C19orf44: variants seen among roughly 807,000 people sequenced by gnomAD.
C19orf44 encodes uncharacterized protein C19orf44.
A neutral mutation model predicts 50.7 loss-of-function variants in C19orf44; 43 were observed. The observed-to-expected ratio is 0.85, with a 90% CI of 0.66 to 1.09. C19orf44 has a LOEUF of 1.09. Among genes scored for constraint, C19orf44 ranks in the 50% least tolerant of loss-of-function variants. The pLI is 0.00. For synonymous variants in C19orf44, 298 were observed against 334.7 expected (o/e 0.89, Z 1.20); for missense variants, 722 against 836.2 (o/e 0.86, Z 1.68).
chr19:16,507,357 C>G (rs962407748), intron 4 of C19orf44, among the ~76,000 whole-genome samples: 1 of 152,124 alleles, frequency 6.6e-6, no homozygotes, highest in Non-Finnish European at 1.5e-5. Flanking sequence ...AGTCACACTC[C>G]CTGTTGTGAT....
chr19:16,521,311 ACTT>A lies in C19orf44; in HGVS notation c.*1264_*1266del, dbSNP rs941638273. On this transcript the variant is annotated 3_prime_UTR_variant, in exon 9 of 9. Transcript: ENST00000221671. Reference sequence around the variant, plus strand: ...GTGCCGCCGTGCCACACCTTCCCTAACTTCTTCTGATGTGTCTCCATTAAAACG... The same window carrying A: ...GTGCCGCCGTGCCACACCTTCCCTAACTTCTGATGTGTCTCCATTAAAACG... The A allele has an allele frequency of 9.9e-5, 57 of 577,666 alleles. No individual in the cohort carries two copies. Among genetic ancestry groups the A allele is most frequent in the African/African-American group, 8.6e-4 (46 of 53,492 alleles). 35.8% of individuals were successfully genotyped at this position (577,666 alleles called of 1,614,324 possible).
chr19:16,521,186 C>G lies in C19orf44; in HGVS notation c.*1133C>G. 1.7e-6 allele frequency: 1 copy of G among 583,266 alleles called. No homozygotes were observed. The highest frequency in any genetic ancestry group is 2.0e-5 in the South Asian group (1 of 49,412). The allele number at this position is 583,266 out of a possible 1,614,324, so 36.1% of individuals were successfully genotyped here. On this transcript the variant is annotated 3_prime_UTR_variant, in exon 9 of 9. Coordinates refer to ENST00000221671, the MANE Select transcript of C19orf44 (RefSeq NM_032207.4). ...TCTGTGGAACTGGGAAACAGGAACA[C>G]TGACTCATGGGTGGACAGGCCTGCA...
chr19:16,498,875 T>C (rs567052376), intron 1 of C19orf44, among the ~76,000 whole-genome samples: 1 of 151,692 alleles, frequency 6.6e-6, no homozygotes, highest in Non-Finnish European at 1.5e-5. Flanking sequence ...TTTCACTGTG[T>C]TAGCCAGGAT....
chr19:16,509,322 G>A (rs188483474), intron 4 of C19orf44, among the ~76,000 whole-genome samples, 177 bp from the exon 5 acceptor site: 1 of 152,226 alleles, frequency 6.6e-6, no homozygotes, highest in East Asian at 1.9e-4. Context: ...TGGACATGCC[G>A]TACTGAAGAC....
Position 16,520,043 on chromosome 19 carries a change from T to G in C19orf44, c.*41-51T>G, listed in dbSNP as rs1374646699. 4 of 1,198,124 alleles carry G rather than the reference T, an allele frequency of 3.3e-6. No individual in the cohort carries two copies. The African/African-American group carries it at 4.5e-5, about 14-fold the overall frequency. The allele number at this position is 1,198,124 out of a possible 1,614,324, so 74.2% of individuals were successfully genotyped here. ...GGTGCCACTGTCCCCGGGCTAATGC[T>G]GGCGGCCTCCTAACACAGTCTCCTA... On this transcript the variant is annotated intron_variant, in intron 8 of 8. Coordinates refer to ENST00000221671, the MANE Select transcript of C19orf44 (RefSeq NM_032207.4). The surrounding 1 kb of genome is among the most constrained non-coding windows in gnomAD (Gnocchi z 4.0).
At chr19:16,497,674 A>G (rs900030717) in intron 1 of C19orf44, among the ~76,000 whole-genome samples, 1 of 152,074 alleles carries the variant, frequency 6.6e-6, no homozygotes, top group African/African-American at 2.4e-5. Context: ...AGCGTGATGT[A>G]TTTGAGATTC....
Position 16,519,467 on chromosome 19 carries a change from C to A in C19orf44, c.*41-627C>A. The A allele has an allele frequency of 7.7e-7, 1 of 1,296,180 alleles. No homozygotes were observed. 80.3% of individuals were successfully genotyped at this position (1,296,180 alleles called of 1,614,324 possible). On this transcript the variant is annotated intron_variant, in intron 8 of 8. Coordinates refer to ENST00000221671, the MANE Select transcript of C19orf44 (RefSeq NM_032207.4). This position sits in a 1 kb window ranked among gnomAD's most constrained non-coding sequence, Gnocchi z 6.0. ...ACATGGGAAATGGGTAGAGAGAACCCGCAGGCCGGCCCTGTCTAGAGGGTC... is the reference window on the plus strand; with the variant it reads ...ACATGGGAAATGGGTAGAGAGAACCAGCAGGCCGGCCCTGTCTAGAGGGTC...
intron 1 of C19orf44, among the ~76,000 whole-genome samples, chr19:16,500,393 C>T (rs1157569563): frequency 2.0e-5 from 3 of 150,910 alleles, no homozygotes; most frequent in East Asian, 3.9e-4. Flanking sequence ...CACTCTGTAG[C>T]CCAGGCTAGA....
chr19:16,510,927 G>A (rs2093455420), intron 5 of C19orf44, among the ~76,000 whole-genome samples: 1 of 151,980 alleles, frequency 6.6e-6, no homozygotes. Context: ...GTAGAGACAG[G>A]GTCTTGCCAT....
rs149587345 is a variant in C19orf44, at chr19:16,515,842, G to A, written c.1902+1179G>A. Among the ~76,000 whole-genome samples, 557 of 152,020 alleles carry A rather than the reference G, an allele frequency of 3.7e-3. 4 individuals are homozygous for A. Among genetic ancestry groups the A allele is most frequent in the African/African-American group, 0.013 (523 of 41,460 alleles). On this transcript the variant is annotated intron_variant, in intron 7 of 8. Transcript: ENST00000221671. Reference sequence around the variant, plus strand: ...ACTGAGTTTCACTCTTGTTGCCCAGGCTGGGGTGCAATGGTGCAATCTCAG... The same window carrying A: ...ACTGAGTTTCACTCTTGTTGCCCAGACTGGGGTGCAATGGTGCAATCTCAG...
chr19:16,514,375 C>A (rs1417756103), intron 6 of C19orf44, 122 bp from the exon 7 acceptor site: 37 of 1,053,916 alleles, frequency 3.5e-5, no homozygotes, highest in Admixed American at 5.7e-5. Context: ...CAGAGCGAGA[C>A]CCTGTCTCCA....
intron 7 of C19orf44, 40 bp from the exon 8 acceptor site, chr19:16,517,190 G>C (rs767420460): frequency 4.4e-6 from 7 of 1,582,216 alleles, no homozygotes; most frequent in South Asian, 1.1e-5. Context: ...GTGTACTGAG[G>C]TGACGATGGT....
chr19:16,510,704 C>A (rs1015739083), intron 5 of C19orf44, among the ~76,000 whole-genome samples: 4 of 152,048 alleles, frequency 2.6e-5, no homozygotes, highest in Non-Finnish European at 5.9e-5. Flanking sequence ...GAATGAACAC[C>A]CTGGGTGACT....
intron 1 of C19orf44, among the ~76,000 whole-genome samples, chr19:16,498,206 C>A (rs192960847): frequency 5.5e-4 from 83 of 152,258 alleles, no homozygotes; most frequent in African/African-American, 1.9e-3. Flanking sequence ...CTATGTCTAA[C>A]CTTTTGAGGA....
Position 16,517,282 on chromosome 19 carries a change from A to T in C19orf44, c.1955A>T (p.Glu652Val), listed in dbSNP as rs1403803185. The T allele has an allele frequency of 3.1e-6, 5 of 1,614,012 alleles. No homozygotes were observed. The Admixed American group carries it at 5.0e-5, about 16-fold the overall frequency. Residue 652 changes from glutamate to valine, a missense_variant, in exon 8 of 9, where the codon GAG becomes GTG. By Grantham distance (121) the Glu-to-Val change is moderately radical. Transcript: ENST00000221671. ...CTGACCATGGAGGATGCCCTGGAGG[A>T]GGTGAACAAGGAGCTGTGAGCGCCA... ...APLTMEDALE[E>V]VNKEL
rs1313761926 is a variant in C19orf44, at chr19:16,520,167, G to A, written c.*114G>A. On this transcript the variant is annotated 3_prime_UTR_variant, in exon 9 of 9. Transcript: ENST00000221671. This position sits in a 1 kb window ranked among gnomAD's most constrained non-coding sequence, Gnocchi z 4.0. ...ATCTTACGGCGGGGTGGGGCTCCTG[G>A]ACCGTGACCGGCGTCTTCTTCCTGG... 6.2e-7 allele frequency: 1 copy of A among 1,612,744 alleles called. No individual in the cohort carries two copies. Among genetic ancestry groups the A allele is most frequent in the Non-Finnish European group, 8.5e-7 (1 of 1,179,980 alleles).
At chr19:16,510,089 G>A (rs1599735454) in intron 5 of C19orf44, 101 bp downstream of exon 5, 1 of 1,568,186 alleles carries the variant, frequency 6.4e-7, no homozygotes, top group Admixed American at 1.7e-5. Context: ...AGGTTCCTGA[G>A]ATTTGGGCTC....
intron 5 of C19orf44, among the ~76,000 whole-genome samples, chr19:16,511,161 T>G (rs1373141046): frequency 1.3e-5 from 2 of 151,440 alleles, no homozygotes; most frequent in Non-Finnish European, 2.9e-5. Context: ...CTCAGCCTCC[T>G]GAATAGCTGG....
intron 1 of C19orf44, 118 bp from the exon 2 acceptor site, chr19:16,500,674 A>T (rs2093422548): frequency 9.8e-7 from 1 of 1,018,188 alleles, no homozygotes; most frequent in Non-Finnish European, 1.4e-6. Context: ...TTGGGCTTGA[A>T]GGGAAGACTG....
Sources: allele counts gnomAD v4.1 joint callset (sites outside exome capture counted in the v4.1 genomes callset), GRCh38; gene constraint gnomAD v4.1.1; non-coding constraint Gnocchi (gnomAD v3.1); transcripts MANE v1.5; gene names NCBI Gene and HGNC (gene_info 2026-07-23, HGNC 2026-07-21).